NR2C2: variants seen among roughly 807,000 people sequenced by gnomAD.
NR2C2 encodes nuclear receptor subfamily 2 group C member 2.
In NR2C2, 6 loss-of-function variants were observed where a neutral mutation model predicts 62.9. The observed-to-expected ratio is 0.10, with a 90% CI of 0.05 to 0.19. NR2C2 has a LOEUF of 0.19. Among genes scored for constraint, NR2C2 ranks in the 10% least tolerant of loss-of-function variants. The pLI is 1.00. For missense variants in NR2C2, 479 were observed against 762.7 expected, an observed-to-expected ratio of 0.63 and a Z score of 4.38; for synonymous variants, 272 against 273.8, an observed-to-expected ratio of 0.99 and a Z score of 0.07.
intron 1 of NR2C2, among the ~76,000 whole-genome samples, chr3:14,992,618 A>T (rs750476742): frequency 5.3e-5 from 8 of 152,180 alleles, no homozygotes; most frequent in Non-Finnish European, 1.2e-4. Context: ...AACCCAGAGG[A>T]GGGCATTTGT....
At chr3:14,973,459 C>T (rs2040109848) in intron 1 of NR2C2, among the ~76,000 whole-genome samples, 1 of 152,142 alleles carries the variant, frequency 6.6e-6, no homozygotes, top group Non-Finnish European at 1.5e-5. Flanking sequence ...GTCTTGAACT[C>T]CTGGGCTCAA....
chr3:14,990,687 T>G (rs554380091), intron 1 of NR2C2, among the ~76,000 whole-genome samples: 1 of 152,186 alleles, frequency 6.6e-6, no homozygotes, highest in African/African-American at 2.4e-5. Context: ...ATTGGCATGG[T>G]AAGTGTGAGT....
chr3:15,028,482 C>T (rs1338732712), intron 7 of NR2C2, 104 bp from the exon 8 acceptor site: 1 of 1,062,472 alleles, frequency 9.4e-7, no homozygotes, highest in Non-Finnish European at 1.4e-6. Flanking sequence ...GTCACACTTC[C>T]CTCTCCTCGA....
At chr3:14,987,257 A>T (rs1342297091) in intron 1 of NR2C2, among the ~76,000 whole-genome samples, 1 of 151,700 alleles carries the variant, frequency 6.6e-6, no homozygotes, top group Non-Finnish European at 1.5e-5. Context: ...TGGTTTTTTT[A>T]TTTTTTGTAG....
At chr3:14,998,948 G>A (rs1259384920) in intron 1 of NR2C2, among the ~76,000 whole-genome samples, 1 of 152,210 alleles carries the variant, frequency 6.6e-6, no homozygotes, top group African/African-American at 2.4e-5. Flanking sequence ...TGAGGCTGCA[G>A]TGAGCCAAGA....
chr3:14,975,547 T>C (rs879024636), intron 1 of NR2C2, among the ~76,000 whole-genome samples: 1 of 152,268 alleles, frequency 6.6e-6, no homozygotes, highest in African/African-American at 2.4e-5. Flanking sequence ...GAACCACTCT[T>C]GCATTTCTTG....
chr3:15,029,975 G>C (rs147282792), intron 8 of NR2C2, among the ~76,000 whole-genome samples: 1 of 152,124 alleles, frequency 6.6e-6, no homozygotes, highest in Admixed American at 6.5e-5. Context: ...AATTGTCCAT[G>C]AAGTTAGATA....
At chr3:15,018,547 T>TC (rs2041577858) in intron 4 of NR2C2, among the ~76,000 whole-genome samples, 13 of 152,136 alleles carry the variant, frequency 8.5e-5, no homozygotes, top group Admixed American at 8.5e-4. Flanking sequence ...AATCACCACA[T>TC]GAGGTATCAC....
At chr3:15,019,488 A>G (rs960828603) in intron 4 of NR2C2, among the ~76,000 whole-genome samples, 3 of 152,222 alleles carry the variant, frequency 2.0e-5, no homozygotes, top group Admixed American at 1.3e-4. Context: ...CTGCATGACT[A>G]TTTACAATGG....
intron 1 of NR2C2, among the ~76,000 whole-genome samples, chr3:14,980,543 T>A (rs2040337104): frequency 6.7e-6 from 1 of 150,036 alleles, no homozygotes; most frequent in Non-Finnish European, 1.5e-5. Context: ...GTCTCGTACT[T>A]CTACCCACTA....
At chr3:15,037,561 T>C (rs1257489752) in intron 11 of NR2C2, among the ~76,000 whole-genome samples, 1 of 152,134 alleles carries the variant, frequency 6.6e-6, no homozygotes, top group African/African-American at 2.4e-5. Context: ...CTGGGCAACA[T>C]AGTAAGACAC....
intron 1 of NR2C2, among the ~76,000 whole-genome samples, chr3:14,967,570 T>G (rs1219138171): frequency 1.3e-5 from 2 of 152,026 alleles, no homozygotes; most frequent in Non-Finnish European, 2.9e-5. Context: ...AAAAAAGGAA[T>G]AGCTGAGAAT....
chr3:14,964,616 G>T (rs891036320), intron 1 of NR2C2, among the ~76,000 whole-genome samples: 1 of 151,618 alleles, frequency 6.6e-6, no homozygotes, highest in Non-Finnish European at 1.5e-5. Flanking sequence ...CCAGGTTCAC[G>T]CCATTCTCCT....
Position 15,013,726 on chromosome 3 carries a change from G to A in NR2C2, c.210G>A (p.Glu70=). The stretch of plus-strand genomic sequence containing the variant: ...GGAAGGTGATCCTGGCTTCCCCAGA[G>A]ACATCCAGCGCCAAGCAACTCATAT... ...GTGKVILASP[E]TSSAKQLIFT... The change falls in exon 3 of 14, where the codon GAG becomes GAA. Residue 70 remains glutamate (E), a synonymous_variant. Coordinates refer to ENST00000425241, the MANE Select transcript of NR2C2 (RefSeq NM_001291694.2). 6.2e-7 allele frequency: 1 copy of A among 1,614,236 alleles called. No homozygotes were observed. The highest frequency in any genetic ancestry group is 8.5e-7 in the Non-Finnish European group (1 of 1,180,032).
At chr3:15,038,160 A>G (rs775614847) in intron 12 of NR2C2, 23 bp downstream of exon 12, 5 of 1,596,960 alleles carry the variant, frequency 3.1e-6, no homozygotes, top group Non-Finnish European at 4.3e-6. Context: ...GTGGGGATGC[A>G]TGACCCCTTT....
intron 1 of NR2C2, among the ~76,000 whole-genome samples, chr3:14,952,214 T>C (rs2039386179): frequency 6.6e-6 from 1 of 152,138 alleles, no homozygotes; most frequent in African/African-American, 2.4e-5. Context: ...GAGCCAGCAT[T>C]GAGATTGGGG....
intron 1 of NR2C2, among the ~76,000 whole-genome samples, chr3:14,985,865 G>A (rs2125345581): frequency 6.6e-6 from 1 of 152,194 alleles, no homozygotes; most frequent in Non-Finnish European, 1.5e-5. Context: ...GCTCATATGT[G>A]GGAGTATCTC....
intron 7 of NR2C2, among the ~76,000 whole-genome samples, chr3:15,027,290 C>T (rs1040997660): frequency 2.6e-5 from 4 of 152,220 alleles, no homozygotes; most frequent in South Asian, 2.1e-4. Context: ...TGAGCCACCA[C>T]GCCCAGCCTA....
intron 5 of NR2C2, 37 bp from the exon 6 acceptor site, chr3:15,023,163 G>A (rs371260659): frequency 1.9e-6 from 3 of 1,607,940 alleles, no homozygotes; most frequent in Admixed American, 1.7e-5. Context: ...GATTGGAATT[G>A]TTTCTCTAAA....
Sources: allele counts gnomAD v4.1 joint callset (sites outside exome capture counted in the v4.1 genomes callset), GRCh38; gene constraint gnomAD v4.1.1; transcripts MANE v1.5; gene names NCBI Gene and HGNC (gene_info 2026-07-23, HGNC 2026-07-21).